ANKRD6: variants seen among roughly 807,000 people sequenced by gnomAD.
The protein encoded by ANKRD6 is ankyrin repeat domain-containing protein 6.
In ANKRD6, 56 loss-of-function variants were observed where a neutral mutation model predicts 82.3. The ratio of observed to expected loss-of-function variants is 0.68; its 90% CI spans 0.55 to 0.85. ANKRD6 has a LOEUF of 0.85. ANKRD6 is among the 40% of genes least tolerant of loss of function. ANKRD6 has a pLI of 0.00. For missense variants in ANKRD6, 852 were observed against 907.6 expected (o/e 0.94, Z 0.79); for synonymous variants, 347 against 352.1 (o/e 0.99, Z 0.16).
intron 1 of ANKRD6, among the ~76,000 whole-genome samples, chr6:89,551,396 A>G (rs114158060): frequency 0.077 from 11,716 of 152,260 alleles, 624 homozygotes; most frequent in Admixed American, 0.14. Context: ...TAAATTATCC[A>G]AGAGGCGATC....
intron 3 of ANKRD6, chr6:89,602,162 C>A (rs1302306526): frequency 6.6e-6 from 1 of 152,360 alleles, no homozygotes; most frequent in Non-Finnish European, 1.5e-5. Flanking sequence ...CACCCATCCT[C>A]CCTTTCAAGG....
At chr6:89,623,029 G>C (rs1804139218) in intron 10 of ANKRD6, among the ~76,000 whole-genome samples, 1 of 124,556 alleles carries the variant, frequency 8.0e-6, no homozygotes, top group African/African-American at 2.8e-5. Flanking sequence ...GGGTGGGGGG[G>C]GCGGGAGGGG....
At chr6:89,517,732 A>G (rs766678028) in intron 1 of ANKRD6, among the ~76,000 whole-genome samples, 1 of 152,364 alleles carries the variant, frequency 6.6e-6, no homozygotes, top group Non-Finnish European at 1.5e-5. Flanking sequence ...TTAAAAGAGA[A>G]AACTGTCTTG....
chr6:89,542,323 C>T (rs902899787), intron 1 of ANKRD6, among the ~76,000 whole-genome samples: 3 of 152,270 alleles, frequency 2.0e-5, no homozygotes, highest in Non-Finnish European at 4.4e-5. Flanking sequence ...TGTCTAGTTG[C>T]TGCTTGTCTC....
chr6:89,527,138 A>G (rs1782590692), intron 1 of ANKRD6, among the ~76,000 whole-genome samples: 1 of 152,218 alleles, frequency 6.6e-6, no homozygotes, highest in African/African-American at 2.4e-5. Context: ...GAAATAGAGC[A>G]GGTTCAGTTT....
chr6:89,631,997 G>T lies in ANKRD6; in HGVS notation c.*993G>T, dbSNP rs1334007375. 6.6e-6 allele frequency: 1 copy of T among 152,180 alleles called. No individual in the cohort carries two copies. The highest frequency in any genetic ancestry group is 1.5e-5 in the Non-Finnish European group (1 of 68,038). 9.4% of individuals were successfully genotyped at this position (152,180 alleles called of 1,614,324 possible). ...AGGCCCCACTGTTCCCCAACTTCATGGAGGCCAGAAGACTTTACTTTGTTC... is the reference window on the plus strand; with the variant it reads ...AGGCCCCACTGTTCCCCAACTTCATTGAGGCCAGAAGACTTTACTTTGTTC... On this transcript the variant is annotated 3_prime_UTR_variant, in exon 16 of 16. Coordinates refer to ENST00000339746, the MANE Select transcript of ANKRD6 (RefSeq NM_001242809.2).
chr6:89,587,740 G>T (rs1328346679), intron 2 of ANKRD6, among the ~76,000 whole-genome samples: 3 of 152,112 alleles, frequency 2.0e-5, no homozygotes, highest in Non-Finnish European at 4.4e-5. Context: ...TTTGGATCCT[G>T]ATTTGTGTCA....
intron 1 of ANKRD6, among the ~76,000 whole-genome samples, chr6:89,546,690 T>A (rs868805342): frequency 6.6e-6 from 1 of 152,188 alleles, no homozygotes; most frequent in Non-Finnish European, 1.5e-5. Context: ...CTCAAACTCC[T>A]GACCTCAAGT....
chr6:89,618,172 G>GGGTA, intron 9 of ANKRD6, 141 bp downstream of exon 9: 1 of 914,882 alleles, frequency 1.1e-6, no homozygotes, highest in Non-Finnish European at 1.8e-6. Flanking sequence ...AGGCATGCAT[G>GGGTA]GGGGCCCAGG....
intron 1 of ANKRD6, among the ~76,000 whole-genome samples, chr6:89,504,557 C>A (rs149379123): frequency 6.7e-6 from 1 of 148,862 alleles, no homozygotes; most frequent in Admixed American, 6.7e-5. Flanking sequence ...ATGTGCTACC[C>A]GCCTGGTTAA....
rs766948650 is a variant in ANKRD6 at position 89,613,880 on chromosome 6, A to G, written c.605A>G (p.Glu202Gly). The G allele has an allele frequency of 3.1e-6, 5 of 1,613,926 alleles. No individual in the cohort carries two copies. Among genetic ancestry groups the G allele is most frequent in the Non-Finnish European group, 4.2e-6 (5 of 1,179,878 alleles). The change falls in exon 7 of 16, where the codon GAA (glutamate) becomes GGA (glycine). Residue 202 changes from glutamate to glycine, a missense_variant. Coordinates refer to ENST00000339746, the MANE Select transcript of ANKRD6 (RefSeq NM_001242809.2). ...LLLTAFCSVH[E>G]KNQAGDTALH... ...CTCACTGCTTTCTGTTCTGTCCATGAAAAGAACCAGGTCAGTGCATGTATT... is the reference window on the plus strand; with the variant it reads ...CTCACTGCTTTCTGTTCTGTCCATGGAAAGAACCAGGTCAGTGCATGTATT...
chr6:89,603,719 C>G (rs1481069776), intron 4 of ANKRD6, among the ~76,000 whole-genome samples: 1 of 152,218 alleles, frequency 6.6e-6, no homozygotes, highest in Non-Finnish European at 1.5e-5. Flanking sequence ...AACACAGTGG[C>G]TCACGCCTGT....
chr6:89,581,250 A>G (rs909259761), intron 2 of ANKRD6, among the ~76,000 whole-genome samples: 9 of 152,234 alleles, frequency 5.9e-5, no homozygotes, highest in African/African-American at 2.2e-4. Flanking sequence ...CTTACAAAGC[A>G]TGCTGCAGTG....
intron 1 of ANKRD6, among the ~76,000 whole-genome samples, chr6:89,526,026 A>C (rs1782460067): frequency 6.6e-6 from 1 of 152,230 alleles, no homozygotes; most frequent in Non-Finnish European, 1.5e-5. Flanking sequence ...TTGTAGCTGT[A>C]GGAATTTAGG....
chr6:89,443,941 G>A (rs1462608177), intron 1 of ANKRD6, among the ~76,000 whole-genome samples: 1 of 152,196 alleles, frequency 6.6e-6, no homozygotes, highest in African/African-American at 2.4e-5. Flanking sequence ...CTTCGCTTCC[G>A]AATAGAAATG....
intron 4 of ANKRD6, 70 bp from the exon 5 acceptor site, chr6:89,605,937 A>G: frequency 8.7e-7 from 1 of 1,143,732 alleles, no homozygotes; most frequent in Non-Finnish European, 1.2e-6. Flanking sequence ...ATCCACTGTG[A>G]TGTATTGATC....
chr6:89,612,712 G>A (rs888080230), intron 6 of ANKRD6, among the ~76,000 whole-genome samples: 5 of 152,160 alleles, frequency 3.3e-5, no homozygotes, highest in Non-Finnish European at 5.9e-5. Context: ...GTTGAGTGTT[G>A]TACTATTATC....
At position 89,631,245 on chromosome 6, in the gene ANKRD6, C is replaced by A; in HGVS notation, c.*241C>A. On this transcript the variant is annotated 3_prime_UTR_variant, in exon 16 of 16. Transcript: ENST00000339746. ...TTTGGGTTTCATTATAAACTCTTAGCCTCAGTCCAGGTTAATCTGAAGTTT... is the reference window on the plus strand; with the variant it reads ...TTTGGGTTTCATTATAAACTCTTAGACTCAGTCCAGGTTAATCTGAAGTTT... The A allele has an allele frequency of 1.7e-6, 1 of 580,878 alleles. No individual in the cohort carries two copies. The highest frequency in any genetic ancestry group is 2.6e-6 in the Non-Finnish European group (1 of 390,868). 36.0% of individuals were successfully genotyped at this position (580,878 alleles called of 1,614,324 possible). A position where few individuals can be genotyped will look rare whatever the true frequency, so the allele number is the denominator to read the frequency against.
intron 1 of ANKRD6, among the ~76,000 whole-genome samples, chr6:89,513,620 T>G (rs1352987381): frequency 6.6e-6 from 1 of 152,244 alleles, no homozygotes; most frequent in African/African-American, 2.4e-5. Flanking sequence ...TTATGTACAT[T>G]TTGGTTGTTT....
Sources: allele counts gnomAD v4.1 joint callset (sites outside exome capture counted in the v4.1 genomes callset), GRCh38; gene constraint gnomAD v4.1.1; transcripts MANE v1.5; gene names NCBI Gene and HGNC (gene_info 2026-07-23, HGNC 2026-07-21).